WWTR1: variants seen among roughly 807,000 people sequenced by gnomAD.
WWTR1 encodes the protein WW domain-containing transcription regulator protein 1.
Under a neutral mutation model 40.1 loss-of-function variants are expected in WWTR1, and 13 were observed. The ratio of observed to expected loss-of-function variants is 0.32; its 90% CI spans 0.21 to 0.52. WWTR1 has a LOEUF of 0.52. WWTR1 is among the 20% of genes least tolerant of loss of function. The pLI, the probability that WWTR1 is intolerant of heterozygous loss-of-function variation, is 0.97. For missense variants in WWTR1, 436 were observed against 523.1 expected (o/e 0.83, Z 1.63); for synonymous variants, 230 against 210.1 (o/e 1.09, Z -0.82).
rs1713923117 is a variant in WWTR1, at chr3:149,668,410, C to A, written c.-4+1378G>T. On this transcript the variant is annotated intron_variant, in intron 2 of 7. Transcript: ENST00000465804. Reference sequence around the variant, plus strand: ...TCACCTGAGGTCAGGAGTTTGAGACCAGCCTGGCCGACATGGTGAAACCCC... The same window carrying A: ...TCACCTGAGGTCAGGAGTTTGAGACAAGCCTGGCCGACATGGTGAAACCCC... Among the ~76,000 whole-genome samples, 5 of 152,078 alleles carry A rather than the reference C, an allele frequency of 3.3e-5. 1 individual carries two copies. In the South Asian group the frequency reaches 6.2e-4, roughly 19 times the overall value.
intron 4 of WWTR1, among the ~76,000 whole-genome samples, chr3:149,719,119 C>G (rs913516470): frequency 2.6e-5 from 4 of 151,674 alleles, no homozygotes; most frequent in East Asian, 3.9e-4. Flanking sequence ...AGGCACCATG[C>G]CTGGCCTGAA....
intron 1 of WWTR1, among the ~76,000 whole-genome samples, chr3:149,672,031 G>T (rs932691434): frequency 2.0e-5 from 3 of 151,940 alleles, no homozygotes; most frequent in African/African-American, 4.8e-5. Context: ...TCATCTTATG[G>T]CTTCCCTGTC....
Position 149,600,003 on chromosome 3 carries a change from G to A in WWTR1, c.432-27003C>T, listed in dbSNP as rs566238217. Among the ~76,000 whole-genome samples the A allele has an allele frequency of 4.5e-4, 68 of 152,214 alleles. 1 individual carries two copies. The highest frequency in any genetic ancestry group is 8.1e-4 in the Non-Finnish European group (55 of 68,014). ...AAATAAAAAACAATACAATGATACA[G>A]TATAACAACTATTTACATTGCATTT... On this transcript the variant is annotated intron_variant, in intron 2 of 6. Coordinates refer to ENST00000360632, the MANE Select transcript of WWTR1 (RefSeq NM_015472.6).
intron 5 of WWTR1, among the ~76,000 whole-genome samples, chr3:149,709,122 G>A (rs1245067275): frequency 6.6e-6 from 1 of 152,034 alleles, no homozygotes; most frequent in African/African-American, 2.4e-5. Flanking sequence ...CTATGGGCAC[G>A]TGCCACCATG....
intron 3 of WWTR1, among the ~76,000 whole-genome samples, chr3:149,548,884 T>C (rs9836653): frequency 0.48 from 73,215 of 152,018 alleles, 19,910 homozygotes; most frequent in Non-Finnish European, 0.61. Flanking sequence ...TTTAAGTGAA[T>C]GGGTAAGGCC....
chr3:149,578,492 T>C (rs1051016482), intron 2 of WWTR1, among the ~76,000 whole-genome samples: 3 of 152,196 alleles, frequency 2.0e-5, no homozygotes, highest in African/African-American at 7.2e-5. Context: ...TCAAGTTTTT[T>C]CAACAACCAT....
intron 5 of WWTR1, among the ~76,000 whole-genome samples, chr3:149,709,264 C>A (rs1001104270): frequency 8.2e-6 from 1 of 121,340 alleles, no homozygotes; most frequent in Non-Finnish European, 1.7e-5. Flanking sequence ...TGTGGGCCAT[C>A]ATGTCTGGCC....
At chr3:149,640,010 A>AAAAGAAAG (rs1179547242) in intron 2 of WWTR1, among the ~76,000 whole-genome samples, 17 of 140,412 alleles carry the variant, frequency 1.2e-4, no homozygotes, top group Middle Eastern at 3.6e-3. Context: ...AAAAAAAAAA[A>AAAAGAAAG]AAAGAAAGAA....
intron 2 of WWTR1, among the ~76,000 whole-genome samples, chr3:149,650,723 T>C (rs1433335094): frequency 6.6e-6 from 1 of 152,142 alleles, no homozygotes; most frequent in Non-Finnish European, 1.5e-5. Context: ...CAATAAAAAC[T>C]AGACACTTCT....
intron 2 of WWTR1, among the ~76,000 whole-genome samples, chr3:149,614,627 G>A (rs913940781): frequency 2.0e-5 from 3 of 152,086 alleles, no homozygotes; most frequent in Admixed American, 1.3e-4. Flanking sequence ...AATCATTAAG[G>A]CTCTTTTGAC....
At chr3:149,565,284 C>T (rs1312827491) in intron 3 of WWTR1, among the ~76,000 whole-genome samples, 1 of 151,516 alleles carries the variant, frequency 6.6e-6, no homozygotes, top group Non-Finnish European at 1.5e-5. Flanking sequence ...GTATGGTTCC[C>T]AAAATATTCA....
chr3:149,672,437 C>G (rs1024343101), intron 1 of WWTR1, among the ~76,000 whole-genome samples: 1 of 152,174 alleles, frequency 6.6e-6, no homozygotes, highest in Non-Finnish European at 1.5e-5. Context: ...AGGCTACCTA[C>G]GTACCCGAAG....
chr3:149,585,121 C>CATGTGTGTGT (rs139952174), intron 2 of WWTR1, among the ~76,000 whole-genome samples: 18 of 144,314 alleles, frequency 1.2e-4, no homozygotes, highest in African/African-American at 4.1e-4. Flanking sequence ...TGATTTCTTT[C>CATGTGTGTGT]GTGTGTGTGT....
chr3:149,573,950 A>T (rs1276357391), intron 2 of WWTR1, among the ~76,000 whole-genome samples: 2 of 151,816 alleles, frequency 1.3e-5, no homozygotes, highest in Non-Finnish European at 2.9e-5. Context: ...TGATATATAT[A>T]TATATATGAT....
intron 5 of WWTR1, among the ~76,000 whole-genome samples, chr3:149,711,092 G>A (rs369285827): frequency 1.8e-4 from 28 of 151,512 alleles, no homozygotes; most frequent in African/African-American, 5.6e-4. Flanking sequence ...ATTCATTTAC[G>A]GGCACAGTTA....
At chr3:149,568,552 A>C (rs1429118075) in intron 3 of WWTR1, among the ~76,000 whole-genome samples, 4 of 144,036 alleles carry the variant, frequency 2.8e-5, no homozygotes, top group Non-Finnish European at 3.0e-5. Context: ...AAAAAAAAAA[A>C]AAAAAAAACC....
chr3:149,642,545 G>A (rs557220172), intron 2 of WWTR1, among the ~76,000 whole-genome samples: 3 of 152,118 alleles, frequency 2.0e-5, no homozygotes, highest in African/African-American at 7.2e-5. Context: ...GGAGGCCGAG[G>A]CGGGTGGATC....
chr3:149,559,522 T>C (rs1736998619), intron 3 of WWTR1, among the ~76,000 whole-genome samples: 1 of 152,124 alleles, frequency 6.6e-6, no homozygotes, highest in African/African-American at 2.4e-5. Context: ...GGAAAAGGTA[T>C]ATGGGAATTC....
chr3:149,592,675 T>C (rs1361753974), intron 2 of WWTR1, among the ~76,000 whole-genome samples: 1 of 152,224 alleles, frequency 6.6e-6, no homozygotes, highest in Admixed American at 6.5e-5. Flanking sequence ...AATTAACTTG[T>C]GTTTTTAAAA....
Sources: gnomAD v4.1 joint callset for allele counts (sites outside exome capture counted in the v4.1 genomes callset) on GRCh38, gnomAD v4.1.1 for gene constraint, MANE v1.5 for transcripts, NCBI Gene and HGNC (gene_info 2026-07-23, HGNC 2026-07-21) for gene names.